Variants in SLC13A5 observed in about 807,000 individuals in gnomAD.
The protein encoded by SLC13A5 is Na(+)/citrate cotransporter.
Under a neutral mutation model 56.5 loss-of-function variants are expected in SLC13A5, and 25 were observed. That is an observed-to-expected ratio of 0.44 (90% confidence interval 0.32 to 0.62). The LOEUF is 0.62. SLC13A5 is among the 20% of genes least tolerant of loss of function. SLC13A5 has a pLI of 0.04. For missense variants in SLC13A5, 649 were observed against 737.8 expected, an observed-to-expected ratio of 0.88 and a Z score of 1.39; for synonymous variants, 307 against 301.5, an observed-to-expected ratio of 1.02 and a Z score of -0.19.
chr17:6,709,244 C>CTTAT lies in SLC13A5; in HGVS notation c.103-2092_103-2089dup, dbSNP rs60433016. ...CTTAGGATATCTTTGCAAATTCTTGCTTATTTATTTATTTATTTATTTATT... is the reference window on the plus strand; with the variant it reads ...CTTAGGATATCTTTGCAAATTCTTGCTTATTTATTTATTTATTTATTTATTTATT... On this transcript the variant is annotated intron_variant, in intron 1 of 11. Transcript: ENST00000433363. Among the ~76,000 whole-genome samples, 931 of 151,020 alleles carry CTTAT rather than the reference C, an allele frequency of 6.2e-3. 8 individuals are homozygous for CTTAT. Among genetic ancestry groups the CTTAT allele is most frequent in the African/African-American group, 0.011 (464 of 41,252 alleles).
chr17:6,686,563 G>A (rs138149786), intron 11 of SLC13A5: 304 of 523,118 alleles, frequency 5.8e-4, no homozygotes, highest in African/African-American at 3.1e-3. Context: ...CTCTATGCCC[G>A]TGCGCATTTG....
intron 6 of SLC13A5, among the ~76,000 whole-genome samples, chr17:6,697,326 G>A (rs1416646247): frequency 6.6e-6 from 1 of 152,192 alleles, no homozygotes; most frequent in Non-Finnish European, 1.5e-5. Context: ...CCTGCATTTG[G>A]TGCTGGCAGC....
intron 1 of SLC13A5, among the ~76,000 whole-genome samples, chr17:6,710,830 A>G (rs924140133): frequency 1.3e-5 from 2 of 152,096 alleles, no homozygotes; most frequent in African/African-American, 4.8e-5. Context: ...ATGTTCATCA[A>G]AATGTGAATA....
At chr17:6,704,910 C>G (rs898198810) in intron 3 of SLC13A5, 1 of 153,170 alleles carries the variant, frequency 6.5e-6, no homozygotes, top group East Asian at 1.9e-4. Flanking sequence ...CATGTCTGCT[C>G]TCTCCTTGGG....
Position 6,713,351 on chromosome 17 carries a change from G to A in SLC13A5, c.-18C>T. The stretch of plus-strand genomic sequence containing the variant: ...GAGGCCATCGCGCGGGAGGGAGACT[G>A]GCGGGCGAGACGAGTGAGGGGCAGC... On this transcript the variant is annotated 5_prime_UTR_variant, in exon 1 of 12. Transcript: ENST00000433363. This position sits in a 1 kb window ranked among gnomAD's most constrained non-coding sequence, Gnocchi z 7.3. 2 of 1,611,130 alleles carry A rather than the reference G, an allele frequency of 1.2e-6. No individual in the cohort carries two copies. Among genetic ancestry groups the A allele is most frequent in the South Asian group, 2.2e-5 (2 of 90,958 alleles).
At position 6,686,281 on chromosome 17, in the gene SLC13A5, T is replaced by G; in HGVS notation, c.1633A>C (p.Asn545His). Reference protein sequence around the residue: ...IGVFCVFLAVNTWGRAIFDLD... With the variant: ...IGVFCVFLAVHTWGRAIFDLD... ...TCAAATATGGCCCGTCCCCAGGTGT[T>G]GACAGCCAAAAACACACAGAAGACT... is the stretch of plus-strand genomic sequence containing the variant. Residue 545 changes from asparagine to histidine, a missense_variant, in exon 12 of 12, where the codon AAC (asparagine) becomes CAC (histidine). Transcript: ENST00000433363. 2 of 1,614,122 alleles carry G rather than the reference T, an allele frequency of 1.2e-6. No homozygotes were observed. The highest frequency in any genetic ancestry group is 1.7e-6 in the Non-Finnish European group (2 of 1,180,018).
In SLC13A5 at chr17:6,702,962, G is replaced by A. The variant is rs746595823; in HGVS notation, c.716+8C>T. On this transcript the variant is annotated splice_region_variant and intron_variant, in intron 5 of 11. Coordinates refer to ENST00000433363, the MANE Select transcript of SLC13A5 (RefSeq NM_177550.5). Reference sequence around the variant, plus strand: ...CGTTGTCCCCAGAAGGTGCGACCAAGGACTCACTCGTTCATCTGGCCCAGG... The same window carrying A: ...CGTTGTCCCCAGAAGGTGCGACCAAAGACTCACTCGTTCATCTGGCCCAGG... 1.9e-5 allele frequency: 30 copies of A among 1,613,484 alleles called. No homozygotes were observed. In the South Asian group the frequency reaches 2.7e-4, roughly 15 times the overall value.
At chr17:6,697,583 C>T (rs184040532) in intron 6 of SLC13A5, among the ~76,000 whole-genome samples, 32 of 152,328 alleles carry the variant, frequency 2.1e-4, no homozygotes, top group Admixed American at 5.2e-4. Flanking sequence ...AGTCCTCCTG[C>T]AGCAGAACAG....
chr17:6,707,210 C>A, intron 1 of SLC13A5, 54 bp from the exon 2 acceptor site: 1 of 1,603,952 alleles, frequency 6.2e-7, no homozygotes, highest in Non-Finnish European at 8.5e-7. Flanking sequence ...CTCCCCACCC[C>A]CAGAACACTC....
At position 6,685,243 on chromosome 17, in the gene SLC13A5, A is replaced by G. The variant is rs1973208949; in HGVS notation, c.*964T>C. The G allele has an allele frequency of 6.6e-6, 1 of 152,136 alleles. No homozygotes were observed. The highest frequency in any genetic ancestry group is 1.5e-5 in the Non-Finnish European group (1 of 68,036). The allele number at this position is 152,136 out of a possible 1,614,324, so 9.4% of individuals were successfully genotyped here. A position where few individuals can be genotyped will look rare whatever the true frequency, so the allele number is the denominator to read the frequency against. ...CCAGTGGAAATTAACAGCTGTGTCCACTCTGGGCCTCAGGTGAGGGAGGGC... is the reference window on the plus strand; with the variant it reads ...CCAGTGGAAATTAACAGCTGTGTCCGCTCTGGGCCTCAGGTGAGGGAGGGC... On this transcript the variant is annotated 3_prime_UTR_variant, in exon 12 of 12. Transcript: ENST00000433363. This position sits in a 1 kb window ranked among gnomAD's most constrained non-coding sequence, Gnocchi z 4.2.
At chr17:6,702,496 G>A (rs758181007) in intron 5 of SLC13A5, among the ~76,000 whole-genome samples, 2 of 152,194 alleles carry the variant, frequency 1.3e-5, no homozygotes, top group Admixed American at 6.5e-5. Flanking sequence ...TGTAGACCTC[G>A]GATGCCATGG....
intron 1 of SLC13A5, among the ~76,000 whole-genome samples, chr17:6,707,738 G>A (rs1973909412): frequency 6.6e-6 from 1 of 152,100 alleles, no homozygotes; most frequent in South Asian, 2.1e-4. Flanking sequence ...CCTTATAAGT[G>A]GGAGCTAAGC....
At chr17:6,695,013 T>C (rs1477249862) in intron 7 of SLC13A5, among the ~76,000 whole-genome samples, 1 of 152,180 alleles carries the variant, frequency 6.6e-6, no homozygotes, top group East Asian at 1.9e-4. Context: ...GATGTGTGCC[T>C]TTGGAGGGAT....
chr17:6,699,084 T>TAAATA (rs377237327), intron 6 of SLC13A5, among the ~76,000 whole-genome samples: 190 of 115,276 alleles, frequency 1.6e-3, no homozygotes, highest in South Asian at 4.4e-3. Context: ...AATAAATAAA[T>TAAATA]AAATAAAATA....
At chr17:6,712,219 C>G (rs1028561028) in intron 1 of SLC13A5, among the ~76,000 whole-genome samples, 47 of 152,196 alleles carry the variant, frequency 3.1e-4, no homozygotes, top group African/African-American at 1.0e-3. Context: ...AGCTCCCCCC[C>G]AGAGCATCCC....
Position 6,687,373 on chromosome 17 carries a change from G to A in SLC13A5, c.1575+156C>T. ...TCATCTCAGAAAAAGAAGAAAAGCT[G>A]CATTATAAATGTCAACAATGGCTAC... On this transcript the variant is annotated intron_variant, in intron 11 of 11. Transcript: ENST00000433363. This position sits in a 1 kb window ranked among gnomAD's most constrained non-coding sequence, Gnocchi z 5.0. The A allele has an allele frequency of 2.0e-6, 2 of 979,646 alleles. No homozygotes were observed. Among genetic ancestry groups the A allele is most frequent in the East Asian group, 2.6e-5 (1 of 39,136 alleles). The allele number at this position is 979,646 out of a possible 1,614,324, so 60.7% of individuals were successfully genotyped here. A position where few individuals can be genotyped will look rare whatever the true frequency, so the allele number is the denominator to read the frequency against.
chr17:6,700,606 C>A (rs986973161), intron 6 of SLC13A5, among the ~76,000 whole-genome samples: 9 of 152,102 alleles, frequency 5.9e-5, no homozygotes, highest in Admixed American at 4.6e-4. Flanking sequence ...GGGAGCTGTG[C>A]GGGGTGCCCA....
Position 6,702,996 on chromosome 17 carries a change from G to A in SLC13A5, c.690C>T (p.Asn230=), listed in dbSNP as rs146385318. Residue 230 remains asparagine, a synonymous_variant, in exon 5 of 12, where the codon AAC becomes AAT. Coordinates refer to ENST00000433363, the MANE Select transcript of SLC13A5 (RefSeq NM_177550.5). ...GTATLTGTGP[N]VVLLGQMNEL... ...CGTTCATCTGGCCCAGGAGCACCAC[G>A]TTGGGTCCCGTCCCGGTCAGGGTGG... The A allele has an allele frequency of 9.8e-5, 158 of 1,614,208 alleles. 1 individual carries two copies. The African/African-American group carries it at 1.4e-3, about 15-fold the overall frequency.
In SLC13A5 at chr17:6,711,892, C is replaced by T. The variant is rs975682771; in HGVS notation, c.102+1340G>A. 6.6e-6 allele frequency among the ~76,000 whole-genome samples: 1 copy of T among 152,076 alleles called. No individual in the cohort carries two copies. The highest frequency in any genetic ancestry group is 1.5e-5 in the Non-Finnish European group (1 of 68,010). ...CTTGCTACAGAGGAAGTGTGGCTGC[C>T]CACAGTTGGTGTGGCAACTGCACAG... On this transcript the variant is annotated intron_variant, in intron 1 of 11. Transcript: ENST00000433363. The surrounding 1 kb of genome is among the most constrained non-coding windows in gnomAD (Gnocchi z 4.0).
Sources: gnomAD v4.1 joint callset for allele counts (sites outside exome capture counted in the v4.1 genomes callset) on GRCh38, gnomAD v4.1.1 for gene constraint, Gnocchi (gnomAD v3.1) non-coding constraint, MANE v1.5 for transcripts, NCBI Gene and HGNC (gene_info 2026-07-23, HGNC 2026-07-21) for gene names.